Variants in BNC2 observed in about 807,000 individuals in gnomAD.
BNC2 encodes the protein zinc finger protein basonuclin-2.
Under a neutral mutation model 76.3 loss-of-function variants are expected in BNC2, and 20 were observed. The ratio of observed to expected loss-of-function variants is 0.26; its 90% CI spans 0.18 to 0.38. The LOEUF (loss-of-function observed/expected upper bound fraction) is 0.38. Ranked by LOEUF, BNC2 falls within the 10% of genes least tolerant of loss-of-function variation. BNC2 has a pLI of 1.00. For synonymous variants in BNC2, 582 were observed against 514.8 expected, an observed-to-expected ratio of 1.13 and a Z score of -1.77; for missense variants, 1,382 against 1,399.8, an observed-to-expected ratio of 0.99 and a Z score of 0.20.
chr9:16,809,375 G>A lies in BNC2; in HGVS notation c.3+61271C>T, dbSNP rs117061414. Among the ~76,000 whole-genome samples, 514 of 152,084 alleles carry A rather than the reference G, an allele frequency of 3.4e-3. 2 individuals carry two copies. The highest frequency in any genetic ancestry group is 5.9e-3 in the Non-Finnish European group (402 of 68,004). ...AATTTTTTTTTATGGAAAAAAAAAT[G>A]CCTTCGATTGCAGAAATCCAATAAC... On this transcript the variant is annotated intron_variant, in intron 1 of 6. Transcript: ENST00000380672.
intron 1 of BNC2, among the ~76,000 whole-genome samples, chr9:16,869,905 T>G (rs1819634879): frequency 6.6e-6 from 1 of 152,194 alleles, no homozygotes; most frequent in South Asian, 2.1e-4. Flanking sequence ...TTTTTTATTC[T>G]GCTCCCTCCC....
At chr9:16,627,387 C>G (rs1195174916) in intron 3 of BNC2, among the ~76,000 whole-genome samples, 5 of 152,178 alleles carry the variant, frequency 3.3e-5, no homozygotes, top group African/African-American at 1.2e-4. Context: ...CACAACACAG[C>G]AGCAATGGCA....
rs1286876952 is a variant in BNC2 at position 16,552,546 on chromosome 9, C to T, written c.653G>A (p.Arg218Gln). 4 of 1,614,036 alleles carry T rather than the reference C, an allele frequency of 2.5e-6. No homozygotes were observed. The highest frequency in any genetic ancestry group is 1.3e-5 in the African/African-American group (1 of 74,940). Residue 218 changes from arginine (R) to glutamine (Q), a missense_variant, in exon 5 of 7, where the codon CGA becomes CAA. By Grantham distance (43) the Arg-to-Gln change is conservative. Transcript: ENST00000380672. ...TCTCCCTACCTGAAGGATGTATCCTCGGACATAGTCCCGCAGAGTCCAGCC... is the reference window on the plus strand; with the variant it reads ...TCTCCCTACCTGAAGGATGTATCCTTGGACATAGTCCCGCAGAGTCCAGCC... ...GLGWTLRDYV[R>Q]GYILQDAAGK...
chr9:16,803,661 C>A (rs1179178250), intron 1 of BNC2, among the ~76,000 whole-genome samples: 1 of 152,218 alleles, frequency 6.6e-6, no homozygotes, highest in Non-Finnish European at 1.5e-5. Flanking sequence ...GGCTACTCAG[C>A]CGGTGACAGC....
At chr9:16,500,865 G>A (rs1822502907) in intron 5 of BNC2, among the ~76,000 whole-genome samples, 1 of 152,252 alleles carries the variant, frequency 6.6e-6, no homozygotes, top group South Asian at 2.1e-4. Context: ...TGGTTATTGG[G>A]TTGTCTAATG....
At chr9:16,815,533 G>C (rs1329153592) in intron 1 of BNC2, among the ~76,000 whole-genome samples, 1 of 152,156 alleles carries the variant, frequency 6.6e-6, no homozygotes, top group East Asian at 1.9e-4. Flanking sequence ...CTAAGATCTG[G>C]GATCTAAAGA....
intron 1 of BNC2, among the ~76,000 whole-genome samples, chr9:16,853,014 G>A (rs1819164061): frequency 6.6e-6 from 1 of 152,304 alleles, no homozygotes; most frequent in East Asian, 1.9e-4. Flanking sequence ...GGTATGATAA[G>A]AAGTCACTGG....
At chr9:16,700,654 G>C (rs528635148) in intron 3 of BNC2, among the ~76,000 whole-genome samples, 2 of 152,130 alleles carry the variant, frequency 1.3e-5, no homozygotes, top group South Asian at 2.1e-4. Context: ...TCTTTCATAA[G>C]CTTTTAAAAT....
chr9:16,679,116 A>T (rs941738242), intron 3 of BNC2, among the ~76,000 whole-genome samples: 1 of 151,842 alleles, frequency 6.6e-6, no homozygotes, highest in Non-Finnish European at 1.5e-5. Flanking sequence ...TCACAGCCAG[A>T]CTCTATAGAA....
chr9:16,672,495 C>CA (rs930374259), intron 3 of BNC2, among the ~76,000 whole-genome samples: 31 of 149,802 alleles, frequency 2.1e-4, no homozygotes, highest in Admixed American at 8.0e-4. Flanking sequence ...AGATCCATCT[C>CA]AAAAAAAAAG....
chr9:16,585,236 A>T (rs1196940200), intron 3 of BNC2, among the ~76,000 whole-genome samples: 4 of 152,110 alleles, frequency 2.6e-5, no homozygotes, highest in East Asian at 3.8e-4. Context: ...TATTTTTTTT[A>T]CTGGTTGAAT....
intron 1 of BNC2, among the ~76,000 whole-genome samples, chr9:16,855,118 A>G (rs1053567989): frequency 6.6e-6 from 1 of 151,564 alleles, no homozygotes. Flanking sequence ...ATACAGATAC[A>G]TACATGTTCA....
At chr9:16,683,068 T>C (rs983793285) in intron 3 of BNC2, among the ~76,000 whole-genome samples, 8 of 152,168 alleles carry the variant, frequency 5.3e-5, no homozygotes, top group Admixed American at 5.2e-4. Flanking sequence ...TTTCCAGTTA[T>C]TTTTCTGAAT....
chr9:16,665,022 T>C (rs1300338612), intron 3 of BNC2: 3 of 456,142 alleles, frequency 6.6e-6, no homozygotes, highest in Admixed American at 4.7e-5. Context: ...ACAGCAACTA[T>C]CCTAAACTAG....
At chr9:16,420,263 T>G (rs183806237) in intron 6 of BNC2, among the ~76,000 whole-genome samples, 1 of 152,138 alleles carries the variant, frequency 6.6e-6, no homozygotes, top group African/African-American at 2.4e-5. Flanking sequence ...ATTAAGCAAT[T>G]TGAAATAGGG....
At chr9:16,639,095 T>C (rs995741570) in intron 3 of BNC2, among the ~76,000 whole-genome samples, 1 of 152,148 alleles carries the variant, frequency 6.6e-6, no homozygotes. Context: ...AAAAGAAACT[T>C]TTCCTTAATG....
At position 16,588,477 on chromosome 9, in the gene BNC2, G is replaced by A. The variant is rs556078654; in HGVS notation, c.331-5392C>T. Among the ~76,000 whole-genome samples the A allele has an allele frequency of 3.4e-4, 52 of 151,880 alleles. 1 individual carries two copies. The South Asian group carries it at 5.4e-3, about 16-fold the overall frequency. On this transcript the variant is annotated intron_variant, in intron 3 of 6. Transcript: ENST00000380672. ...TCAGAAACGTTTATGTGTTTTACAC[G>A]GCTCTTAAATGATCTAGTGGAGAAG...
intron 1 of BNC2, among the ~76,000 whole-genome samples, chr9:16,849,841 A>G (rs1159472949): frequency 6.6e-6 from 1 of 152,142 alleles, no homozygotes; most frequent in Non-Finnish European, 1.5e-5. Context: ...AACAAACCCT[A>G]AAGTACAAAA....
intron 5 of BNC2, among the ~76,000 whole-genome samples, chr9:16,524,955 C>G (rs73417449): frequency 0.037 from 5,635 of 151,982 alleles, 357 homozygotes; most frequent in African/African-American, 0.13. Flanking sequence ...CACCTGCAGT[C>G]CTAGCCACTC....
Sources: gnomAD v4.1 joint callset for allele counts (sites outside exome capture counted in the v4.1 genomes callset) on GRCh38, gnomAD v4.1.1 for gene constraint, MANE v1.5 for transcripts, NCBI Gene and HGNC (gene_info 2026-07-23, HGNC 2026-07-21) for gene names.